TRAPPC9: variants seen among roughly 807,000 people sequenced by gnomAD.
The protein encoded by TRAPPC9 is IKK2 binding protein.
TRAPPC9 carries 83 observed loss-of-function variants against 124.0 expected under a neutral mutation model. That is an observed-to-expected ratio of 0.67 (90% CI 0.56 to 0.80). The LOEUF (loss-of-function observed/expected upper bound fraction) is 0.80, where lower values mean the gene tolerates loss of function less well. Among genes scored for constraint, TRAPPC9 ranks in the 30% least tolerant of loss-of-function variants. The probability of loss-of-function intolerance (pLI) is 0.00; values close to 1 mark genes in which losing one functional copy is unlikely to be tolerated. For missense variants in TRAPPC9, 1,302 were observed against 1,508.3 expected (o/e 0.86, Z 2.27); for synonymous variants, 638 against 617.5 (o/e 1.03, Z -0.49).
chr8:139,937,381 A>G (rs1833598987), intron 19 of TRAPPC9, among the ~76,000 whole-genome samples: 3 of 152,152 alleles, frequency 2.0e-5, no homozygotes, highest in Non-Finnish European at 2.9e-5. Flanking sequence ...TATTTTCTCC[A>G]TACTTTTCCT....
At chr8:140,334,776 A>G (rs1239508583) in intron 9 of TRAPPC9, among the ~76,000 whole-genome samples, 1 of 152,172 alleles carries the variant, frequency 6.6e-6, no homozygotes, top group African/African-American at 2.4e-5. Flanking sequence ...GTCCCCAAGG[A>G]GTCTGTAATC....
intron 17 of TRAPPC9, among the ~76,000 whole-genome samples, chr8:140,204,466 G>A (rs996992637): frequency 1.4e-4 from 18 of 126,208 alleles, no homozygotes; most frequent in African/African-American, 5.1e-4. Context: ...CACACCGGGG[G>A]CTGTCGTTGG....
At chr8:139,910,045 G>C in intron 20 of TRAPPC9, 102 bp downstream of exon 20, 1 of 1,359,158 alleles carries the variant, frequency 7.4e-7, no homozygotes, top group Non-Finnish European at 1.0e-6. Flanking sequence ...TGAGCTACCT[G>C]TGGTGAAAAT....
chr8:139,927,627 A>C (rs1832890609), intron 19 of TRAPPC9, among the ~76,000 whole-genome samples: 1 of 152,234 alleles, frequency 6.6e-6, no homozygotes, highest in African/African-American at 2.4e-5. Flanking sequence ...AGAGCAATGA[A>C]AATACGTCTA....
At chr8:140,406,478 T>C (rs1217923791) in intron 5 of TRAPPC9, among the ~76,000 whole-genome samples, 1 of 152,236 alleles carries the variant, frequency 6.6e-6, no homozygotes, top group Non-Finnish European at 1.5e-5. Flanking sequence ...GCCACCCATC[T>C]GTATAACCTC....
chr8:139,806,896 G>A (rs537826914), intron 21 of TRAPPC9, among the ~76,000 whole-genome samples: 4 of 152,242 alleles, frequency 2.6e-5, no homozygotes. Context: ...AGGGGCGGGG[G>A]TGTTAAGGAG....
intron 17 of TRAPPC9, among the ~76,000 whole-genome samples, chr8:140,157,186 C>T (rs1206132440): frequency 6.1e-5 from 5 of 81,572 alleles, no homozygotes; most frequent in East Asian, 6.1e-4. Flanking sequence ...TCAAAAGCCT[C>T]CCTTTTCCAT....
intron 20 of TRAPPC9, among the ~76,000 whole-genome samples, chr8:139,896,485 T>A (rs572255482): frequency 6.6e-6 from 1 of 152,180 alleles, no homozygotes. Flanking sequence ...GGGTATGAGA[T>A]AGGTACTGTT....
chr8:140,185,379 T>C (rs2131040712), intron 17 of TRAPPC9, among the ~76,000 whole-genome samples: 1 of 152,286 alleles, frequency 6.6e-6, no homozygotes, highest in East Asian at 1.9e-4. Context: ...TAGATCCAGG[T>C]GCTACGCCAT....
intron 17 of TRAPPC9, among the ~76,000 whole-genome samples, chr8:140,050,699 A>G (rs1257296342): frequency 6.6e-6 from 1 of 152,060 alleles, no homozygotes; most frequent in African/African-American, 2.4e-5. Flanking sequence ...GAGATGGGAG[A>G]TGGAGAGATG....
At chr8:140,454,550 G>T (rs1391494355) in intron 1 of TRAPPC9, among the ~76,000 whole-genome samples, 1 of 145,382 alleles carries the variant, frequency 6.9e-6, no homozygotes, top group Non-Finnish European at 1.5e-5. Context: ...TGAGGCAGGA[G>T]AATCGCTTGA....
Position 140,266,069 on chromosome 8 carries a change from T to C in TRAPPC9, c.2278+9589A>G, listed in dbSNP as rs143033011. On this transcript the variant is annotated intron_variant, in intron 15 of 22. Coordinates refer to ENST00000438773, the MANE Select transcript of TRAPPC9 (RefSeq NM_001160372.4). ...GTGAACATTTCTGGAAAAGCTAATA[T>C]AGTCAATGTTTCTTAATTTCAGCTT... Among the ~76,000 whole-genome samples, 85 of 152,342 alleles carry C rather than the reference T, an allele frequency of 5.6e-4. No homozygotes were observed. In the East Asian group the frequency reaches 0.014, roughly 26 times the overall value.
At chr8:140,113,285 C>T (rs1347296604) in intron 17 of TRAPPC9, among the ~76,000 whole-genome samples, 1 of 152,218 alleles carries the variant, frequency 6.6e-6, no homozygotes, top group African/African-American at 2.4e-5. Context: ...TGTGCTGCAT[C>T]ATGGGGAGGC....
chr8:139,857,431 C>T (rs1304918167), intron 21 of TRAPPC9, among the ~76,000 whole-genome samples: 4 of 152,208 alleles, frequency 2.6e-5, no homozygotes, highest in Non-Finnish European at 5.9e-5. Flanking sequence ...CGACAGTCCC[C>T]ATTTTATCTC....
chr8:140,066,460 C>A (rs1362718685), intron 17 of TRAPPC9, among the ~76,000 whole-genome samples: 1 of 152,184 alleles, frequency 6.6e-6, no homozygotes, highest in African/African-American at 2.4e-5. Flanking sequence ...CAATGAATAT[C>A]TCTTGAAGTG....
At chr8:140,444,011 G>A (rs1334518140) in intron 2 of TRAPPC9, among the ~76,000 whole-genome samples, 10 of 139,342 alleles carry the variant, frequency 7.2e-5, no homozygotes, top group Non-Finnish European at 3.1e-5. Flanking sequence ...ACTCCAGCCT[G>A]GGCGACAGAG....
chr8:140,081,102 G>A (rs1843787098), intron 17 of TRAPPC9, among the ~76,000 whole-genome samples: 1 of 152,092 alleles, frequency 6.6e-6, no homozygotes, highest in South Asian at 2.1e-4. Context: ...GCAAGGCCAA[G>A]ATTAACCATC....
chr8:139,918,956 A>G (rs1285087803), intron 19 of TRAPPC9, among the ~76,000 whole-genome samples: 7 of 152,180 alleles, frequency 4.6e-5, no homozygotes, highest in Non-Finnish European at 1.0e-4. Context: ...CGCTGGGTCC[A>G]AACAGCCACA....
chr8:140,451,798 C>G (rs1588383911), intron 1 of TRAPPC9, among the ~76,000 whole-genome samples: 4 of 152,288 alleles, frequency 2.6e-5, no homozygotes, highest in Admixed American at 2.6e-4. Flanking sequence ...CTCCCTGGAA[C>G]TCCTCAGCTA....
Sources: gnomAD v4.1 joint callset for allele counts (sites outside exome capture counted in the v4.1 genomes callset) on GRCh38, gnomAD v4.1.1 for gene constraint, MANE v1.5 for transcripts, NCBI Gene and HGNC (gene_info 2026-07-23, HGNC 2026-07-21) for gene names.